GTF2F2: variants seen among roughly 807,000 people sequenced by gnomAD.
GTF2F2 encodes the protein ATP-dependent helicase GTF2F2.
A neutral mutation model predicts 42.2 loss-of-function variants in GTF2F2; 23 were observed. That is an observed-to-expected ratio of 0.55 (90% CI 0.39 to 0.77). The LOEUF is 0.77. GTF2F2 is among the 30% of genes least tolerant of loss of function. The pLI is 0.00. For synonymous variants in GTF2F2, 105 were observed against 100.8 expected (o/e 1.04, Z -0.25); for missense variants, 261 against 287.2 (o/e 0.91, Z 0.66).
intron 4 of GTF2F2, among the ~76,000 whole-genome samples, chr13:45,170,255 C>CA (rs1285965536): frequency 6.6e-6 from 1 of 152,178 alleles, no homozygotes; most frequent in African/African-American, 2.4e-5. Flanking sequence ...CTCAGACCCC[C>CA]CCTGCCTTGG....
chr13:45,260,226 G>A (rs879193646), intron 6 of GTF2F2, among the ~76,000 whole-genome samples: 1 of 152,102 alleles, frequency 6.6e-6, no homozygotes, highest in Non-Finnish European at 1.5e-5. Flanking sequence ...ATCTTTTAAA[G>A]TTCTATGCAT....
intron 5 of GTF2F2, among the ~76,000 whole-genome samples, chr13:45,245,931 C>T: frequency 7.2e-6 from 1 of 138,430 alleles, no homozygotes; most frequent in East Asian, 2.1e-4. Flanking sequence ...ACTAGCGAGA[C>T]TCCATCTCAA....
chr13:45,172,024 G>GT (rs1252208267), intron 4 of GTF2F2, among the ~76,000 whole-genome samples: 1 of 151,876 alleles, frequency 6.6e-6, no homozygotes, highest in African/African-American at 2.4e-5. Flanking sequence ...GATTGTTTCC[G>GT]TTTTTTTGGC....
chr13:45,188,465 G>A (rs1593479604), intron 4 of GTF2F2, among the ~76,000 whole-genome samples: 1 of 152,148 alleles, frequency 6.6e-6, no homozygotes, highest in Admixed American at 6.5e-5. Flanking sequence ...TAATGTAAAT[G>A]TGCATTTTGG....
intron 4 of GTF2F2, among the ~76,000 whole-genome samples, chr13:45,166,271 T>C (rs1041829276): frequency 6.6e-6 from 1 of 152,242 alleles, no homozygotes; most frequent in African/African-American, 2.4e-5. Context: ...TGATATTTTT[T>C]CCCTTTTAAA....
chr13:45,255,632 T>C (rs1238683944), intron 6 of GTF2F2, among the ~76,000 whole-genome samples: 3 of 152,254 alleles, frequency 2.0e-5, no homozygotes, highest in East Asian at 3.8e-4. Flanking sequence ...TCTTTTCTAC[T>C]GTTGGATGGG....
At chr13:45,236,307 G>A (rs1215821793) in intron 5 of GTF2F2, among the ~76,000 whole-genome samples, 1 of 152,146 alleles carries the variant, frequency 6.6e-6, no homozygotes, top group Non-Finnish European at 1.5e-5. Flanking sequence ...TTATCTAAAT[G>A]GGAGAGTTTA....
At position 45,212,455 on chromosome 13, in the gene GTF2F2, C is replaced by CTTTCTTTTCTTTTCTTTCTTTCT. The variant is rs71184403; in HGVS notation, c.386+4957_386+4958insTCTTTTCTTTCTTTCTTTTCTTT. Among the ~76,000 whole-genome samples, 4 of 96,594 alleles carry CTTTCTTTTCTTTTCTTTCTTTCT rather than the reference C, an allele frequency of 4.1e-5. 1 individual carries two copies. The highest frequency in any genetic ancestry group is 8.5e-5 in the Non-Finnish European group (4 of 47,116). 63.4% of individuals were successfully genotyped at this position (96,594 alleles called of 152,430 possible). A position where few individuals can be genotyped will look rare whatever the true frequency, so the allele number is the denominator to read the frequency against. On this transcript the variant is annotated intron_variant, in intron 5 of 7. Coordinates refer to ENST00000340473, the MANE Select transcript of GTF2F2 (RefSeq NM_004128.3). Reference sequence around the variant, plus strand: ...TTCTTTCTTTCTTTCTTGTTTCTTTCTTTCTTTCTTTCTTTCTTTCTTTCT... The same window carrying CTTTCTTTTCTTTTCTTTCTTTCT: ...TTCTTTCTTTCTTTCTTGTTTCTTTCTTTCTTTTCTTTTCTTTCTTTCTTTTCTTTCTTTCTTTCTTTCTTTCT...
chr13:45,199,980 T>C (rs1372909318), intron 4 of GTF2F2, among the ~76,000 whole-genome samples: 1 of 152,160 alleles, frequency 6.6e-6, no homozygotes, highest in African/African-American at 2.4e-5. Flanking sequence ...GGAGGAGTTA[T>C]AAACTAGGGA....
intron 5 of GTF2F2, among the ~76,000 whole-genome samples, chr13:45,225,055 G>A (rs1315070409): frequency 1.3e-5 from 2 of 152,296 alleles, no homozygotes; most frequent in East Asian, 3.9e-4. Context: ...CTAAACTACA[G>A]ATTCCATGGC....
intron 6 of GTF2F2, 111 bp from the exon 7 acceptor site, chr13:45,267,122 C>T: frequency 1.2e-6 from 1 of 838,066 alleles, no homozygotes; most frequent in Non-Finnish European, 1.8e-6. Context: ...GCACTCCAGC[C>T]TGGGCAACAA....
intron 1 of GTF2F2, among the ~76,000 whole-genome samples, chr13:45,127,549 AAATT>A (rs1263393293): frequency 6.9e-6 from 1 of 145,684 alleles, no homozygotes; most frequent in Non-Finnish European, 1.5e-5. Flanking sequence ...GGCTGATCTC[AAATT>A]CCTGGACTCA....
chr13:45,136,154 TA>T (rs1869608264), intron 1 of GTF2F2, among the ~76,000 whole-genome samples: 1 of 152,224 alleles, frequency 6.6e-6, no homozygotes, highest in Non-Finnish European at 1.5e-5. Context: ...TCATCATCTG[TA>T]AAATGGGGGT....
At chr13:45,143,189 A>G (rs890295585) in intron 2 of GTF2F2, among the ~76,000 whole-genome samples, 26 of 152,226 alleles carry the variant, frequency 1.7e-4, no homozygotes, top group African/African-American at 6.3e-4. Flanking sequence ...GTACTCACAG[A>G]TGTAGAATCA....
At chr13:45,204,214 T>C (rs1021780173) in intron 4 of GTF2F2, among the ~76,000 whole-genome samples, 1 of 152,212 alleles carries the variant, frequency 6.6e-6, no homozygotes, top group African/African-American at 2.4e-5. Context: ...TTTTGATATA[T>C]GTATATGTGT....
chr13:45,278,414 T>A (rs926090228), intron 7 of GTF2F2, among the ~76,000 whole-genome samples: 2 of 152,208 alleles, frequency 1.3e-5, no homozygotes, highest in African/African-American at 4.8e-5. Context: ...GTAAATTCTC[T>A]CCCACACATC....
At chr13:45,127,909 G>T (rs1314557274) in intron 1 of GTF2F2, among the ~76,000 whole-genome samples, 1 of 134,192 alleles carries the variant, frequency 7.5e-6, no homozygotes, top group African/African-American at 2.9e-5. Context: ...AGGATTACAG[G>T]CATGAGCCAC....
chr13:45,170,254 C>A (rs1871525468), intron 4 of GTF2F2, among the ~76,000 whole-genome samples: 1 of 152,230 alleles, frequency 6.6e-6, no homozygotes, highest in Admixed American at 6.5e-5. Flanking sequence ...TCTCAGACCC[C>A]CCCTGCCTTG....
At chr13:45,155,683 A>G (rs951749329) in intron 4 of GTF2F2, among the ~76,000 whole-genome samples, 5 of 152,118 alleles carry the variant, frequency 3.3e-5, no homozygotes, top group African/African-American at 1.2e-4. Flanking sequence ...TGTCTGAGAG[A>G]ATATATTTTA....
Sources: allele counts gnomAD v4.1 joint callset (sites outside exome capture counted in the v4.1 genomes callset), GRCh38; gene constraint gnomAD v4.1.1; transcripts MANE v1.5; gene names NCBI Gene and HGNC (gene_info 2026-07-23, HGNC 2026-07-21).